Variants in STK32C observed in about 807,000 individuals in gnomAD.
STK32C encodes serine/threonine-protein kinase 32C.
A neutral mutation model predicts 56.5 loss-of-function variants in STK32C; 31 were observed. That is an observed-to-expected ratio of 0.55 (90% CI 0.41 to 0.74). The LOEUF (loss-of-function observed/expected upper bound fraction) is 0.74. STK32C is among the 30% of genes least tolerant of loss of function. The pLI, the probability that STK32C is intolerant of heterozygous loss-of-function variation, is 0.00. For missense variants in STK32C, 544 were observed against 676.9 expected (o/e 0.80, Z 2.18); for synonymous variants, 309 against 289.4 (o/e 1.07, Z -0.69).
rs1036195240 is a variant in STK32C at position 132,285,953 on chromosome 10, T to C, written c.262+21619A>G. 4.0e-5 allele frequency among the ~76,000 whole-genome samples: 6 copies of C among 151,730 alleles called. No individual in the cohort carries two copies. The South Asian group carries it at 1.3e-3, about 32-fold the overall frequency. ...TCCTGGCTAACACAGTGAAATCCCA[T>C]CTCTACTAAAAAAGCACAAAAAATC... On this transcript the variant is annotated intron_variant, in intron 1 of 11. Transcript: ENST00000298630.
At chr10:132,296,692 C>T (rs1164554966) in intron 1 of STK32C, among the ~76,000 whole-genome samples, 1 of 152,186 alleles carries the variant, frequency 6.6e-6, no homozygotes, top group Non-Finnish European at 1.5e-5. Flanking sequence ...AAGAGATCGT[C>T]CTGGCACAGC....
chr10:132,271,200 C>T (rs1164002887), intron 1 of STK32C, among the ~76,000 whole-genome samples: 1 of 152,198 alleles, frequency 6.6e-6, no homozygotes, highest in Non-Finnish European at 1.5e-5. Flanking sequence ...GGGACTGTGG[C>T]ATCCAGAAGA....
At chr10:132,262,372 G>T (rs1017348728) in intron 1 of STK32C, among the ~76,000 whole-genome samples, 1 of 152,182 alleles carries the variant, frequency 6.6e-6, no homozygotes, top group African/African-American at 2.4e-5. Flanking sequence ...CTTGACACCA[G>T]CCTTGGAAAG....
chr10:132,293,092 C>T (rs1398414443), intron 1 of STK32C, among the ~76,000 whole-genome samples: 1 of 152,246 alleles, frequency 6.6e-6, no homozygotes, highest in African/African-American at 2.4e-5. Context: ...GAGCACGGCA[C>T]GTGCGGGGCG....
chr10:132,207,956 T>C lies in STK32C; in HGVS notation c.*54A>G. On this transcript the variant is annotated 3_prime_UTR_variant, in exon 12 of 12. Transcript: ENST00000298630. ...AGGCCTCGGCCCATGGCCCTCCCTC[T>C]GGCAGCCGAGTCTCCAAAGCAGCTC... The C allele has an allele frequency of 7.9e-7, 1 of 1,272,952 alleles. No individual in the cohort carries two copies. The highest frequency in any genetic ancestry group is 1.0e-6 in the Non-Finnish European group (1 of 1,003,790). The allele number at this position is 1,272,952 out of a possible 1,614,324, so 78.9% of individuals were successfully genotyped here.
chr10:132,261,961 A>G (rs1371124082), intron 1 of STK32C, among the ~76,000 whole-genome samples: 9 of 152,222 alleles, frequency 5.9e-5, no homozygotes, highest in African/African-American at 1.9e-4. Context: ...TTCACATGCA[A>G]CCAAAAATGA....
intron 7 of STK32C, 90 bp downstream of exon 7, chr10:132,225,143 A>T (rs902628): frequency 3.9e-6 from 4 of 1,034,464 alleles, no homozygotes; most frequent in Non-Finnish European, 5.6e-6. Flanking sequence ...GCGCACCTGG[A>T]CACTGGGGCA....
At chr10:132,306,863 C>CCCGGGGTG (rs1554883304) in intron 1 of STK32C, 1 of 152,206 alleles carries the variant, frequency 6.6e-6, no homozygotes, top group Non-Finnish European at 1.5e-5. Context: ...TTCGGGGGTC[C>CCCGGGGTG]CCGGGGCCCC....
In STK32C at chr10:132,222,894, G is replaced by T. The variant is rs760210921; in HGVS notation, c.1086C>A (p.Ser362Arg). 2 of 1,570,932 alleles carry T rather than the reference G, an allele frequency of 1.3e-6. No individual in the cohort carries two copies. Among genetic ancestry groups the T allele is most frequent in the African/African-American group, 1.4e-5 (1 of 73,876 alleles). ...ALAGVLWDHLSEKRVEPGFVP... is the reference protein window; with the variant it reads ...ALAGVLWDHLREKRVEPGFVP... ...CGAAGCCCGGCTCCACCCTCTTCTC[G>T]CTCAGGTGGTCCCACAGCACGCCGG... The change falls in exon 9 of 12, where the codon AGC becomes AGA. Residue 362 changes from serine to arginine, a missense_variant. By Grantham distance (110) the Ser-to-Arg change is moderately radical (BLOSUM62 -1). Around this residue, in one of 3 missense-constraint regions of STK32C, gnomAD observed 277 missense variants for 309.3 expected, o/e 0.90. Coordinates refer to ENST00000298630, the MANE Select transcript of STK32C (RefSeq NM_173575.4).
At chr10:132,230,716 A>G (rs1590195642) in intron 2 of STK32C, among the ~76,000 whole-genome samples, 8 of 118,846 alleles carry the variant, frequency 6.7e-5, no homozygotes, top group Admixed American at 3.0e-4. Context: ...CTCTGCCTGG[A>G]GCGGCGCCAG....
chr10:132,329,305 T>G (rs2066582712), intron 1 of STK32C, among the ~76,000 whole-genome samples: 1 of 152,036 alleles, frequency 6.6e-6, no homozygotes. Context: ...TCTCAGCTAC[T>G]TGAGGGGTTG....
At chr10:132,328,061 AG>A (rs1170327356) in intron 1 of STK32C, among the ~76,000 whole-genome samples, 2 of 152,230 alleles carry the variant, frequency 1.3e-5, no homozygotes, top group Non-Finnish European at 2.9e-5. Flanking sequence ...CCTGCTGCCT[AG>A]ACAGAGCCCA....
At chr10:132,275,095 C>T (rs1284321588) in intron 1 of STK32C, among the ~76,000 whole-genome samples, 1 of 152,150 alleles carries the variant, frequency 6.6e-6, no homozygotes, top group Non-Finnish European at 1.5e-5. Context: ...CTGGAAGCAC[C>T]CAGGGGGCCC....
At chr10:132,295,120 G>A (rs1314719828) in intron 1 of STK32C, among the ~76,000 whole-genome samples, 2 of 152,136 alleles carry the variant, frequency 1.3e-5, no homozygotes, top group African/African-American at 4.8e-5. Flanking sequence ...CGGAAAACAC[G>A]TTAAGCTGAG....
chr10:132,264,684 C>G (rs978643508), intron 1 of STK32C, among the ~76,000 whole-genome samples: 2 of 152,132 alleles, frequency 1.3e-5, no homozygotes, highest in East Asian at 3.9e-4. Flanking sequence ...CCCAAACCAG[C>G]ACCTAGTGGG....
chr10:132,235,608 G>C (rs958680368), intron 2 of STK32C, among the ~76,000 whole-genome samples: 1 of 151,998 alleles, frequency 6.6e-6, no homozygotes, highest in Admixed American at 6.6e-5. Context: ...GGAAGGGACA[G>C]TGTCGGGGCC....
At chr10:132,250,149 C>T (rs1160022861) in intron 1 of STK32C, among the ~76,000 whole-genome samples, 1 of 152,214 alleles carries the variant, frequency 6.6e-6, no homozygotes, top group Admixed American at 6.5e-5. Flanking sequence ...GGCTCCGCAC[C>T]GGGGGAGGGA....
chr10:132,330,082 A>G (rs1428172149), intron 1 of STK32C, among the ~76,000 whole-genome samples: 2 of 152,246 alleles, frequency 1.3e-5, no homozygotes, highest in Non-Finnish European at 2.9e-5. Context: ...CGAACACTTC[A>G]TTCGTTCCTA....
At chr10:132,266,505 G>C (rs933799716) in intron 1 of STK32C, among the ~76,000 whole-genome samples, 1 of 152,182 alleles carries the variant, frequency 6.6e-6, no homozygotes, top group African/African-American at 2.4e-5. Flanking sequence ...CTAGATCAGG[G>C]ACATTCTGTA....
Sources: gnomAD v4.1 joint callset for allele counts (sites outside exome capture counted in the v4.1 genomes callset) on GRCh38, gnomAD v4.1.1 for gene constraint, gnomAD v4.1.1 regional missense constraint, MANE v1.5 for transcripts, NCBI Gene and HGNC (gene_info 2026-07-23, HGNC 2026-07-21) for gene names.